LRRC4C: variants seen among roughly 807,000 people sequenced by gnomAD.
LRRC4C encodes leucine rich repeat containing 4C, also known as leucine-rich repeat-containing protein 4C.
LRRC4C carries 5 observed loss-of-function variants against 33.6 expected under a neutral mutation model. That is an observed-to-expected ratio of 0.15 (90% CI 0.08 to 0.31). The LOEUF (loss-of-function observed/expected upper bound fraction) is 0.31. Among genes scored for constraint, LRRC4C ranks in the 10% least tolerant of loss-of-function variants. LRRC4C has a pLI of 1.00. For synonymous variants in LRRC4C, 329 were observed against 302.0 expected (o/e 1.09, Z -0.93); for missense variants, 560 against 796.7 (o/e 0.70, Z 3.58).
intron 1 of LRRC4C, among the ~76,000 whole-genome samples, chr11:40,952,112 G>A (rs938594975): frequency 7.2e-5 from 11 of 151,888 alleles, no homozygotes; most frequent in African/African-American, 1.7e-4. Context: ...TACTGTCCAA[G>A]GCATCTTACA....
intron 2 of LRRC4C, among the ~76,000 whole-genome samples, chr11:40,895,873 G>A (rs187803779): frequency 1.1e-4 from 16 of 152,198 alleles, no homozygotes; most frequent in Admixed American, 9.2e-4. Context: ...CAATCTGGGG[G>A]CTGTCTCTGA....
chr11:41,231,184 A>G (rs1461304203), intron 1 of LRRC4C, among the ~76,000 whole-genome samples: 1 of 152,126 alleles, frequency 6.6e-6, no homozygotes, highest in Non-Finnish European at 1.5e-5. Flanking sequence ...AACTAGTTCA[A>G]CCACTGTGGA....
chr11:41,039,993 C>T (rs185289823), intron 1 of LRRC4C, among the ~76,000 whole-genome samples: 5 of 151,868 alleles, frequency 3.3e-5, no homozygotes, highest in Non-Finnish European at 5.9e-5. Flanking sequence ...AAAAAATTAG[C>T]CGGGCGTGGT....
chr11:41,173,303 T>C (rs1382330989), intron 1 of LRRC4C, among the ~76,000 whole-genome samples: 1 of 152,128 alleles, frequency 6.6e-6, no homozygotes. Context: ...ATGTAAAAGC[T>C]GTAGATTCAA....
intron 3 of LRRC4C, among the ~76,000 whole-genome samples, chr11:40,603,916 G>T (rs150610649): frequency 0.02 from 3,066 of 152,266 alleles, 48 homozygotes; most frequent in South Asian, 0.037. Flanking sequence ...TAAAATGTTA[G>T]AAGCCTAGGT....
intron 2 of LRRC4C, among the ~76,000 whole-genome samples, chr11:40,872,302 G>A (rs1954689503): frequency 7.3e-6 from 1 of 136,822 alleles, no homozygotes; most frequent in African/African-American, 2.5e-5. Context: ...CCTTAAAACT[G>A]GTTTGGCTGA....
intron 3 of LRRC4C, among the ~76,000 whole-genome samples, chr11:40,552,981 G>C (rs1957185758): frequency 6.6e-6 from 1 of 152,176 alleles, no homozygotes; most frequent in Middle Eastern, 3.4e-3. Flanking sequence ...ATATAAAAAG[G>C]TGGATCAGGC....
intron 1 of LRRC4C, among the ~76,000 whole-genome samples, chr11:41,397,273 C>T (rs1425376528): frequency 1.3e-5 from 2 of 151,886 alleles, no homozygotes; most frequent in African/African-American, 2.4e-5. Flanking sequence ...CTTCCACCTC[C>T]TACACCTCTT....
At chr11:41,082,591 T>C (rs1219254846) in intron 1 of LRRC4C, among the ~76,000 whole-genome samples, 2 of 152,210 alleles carry the variant, frequency 1.3e-5, no homozygotes, top group Admixed American at 6.5e-5. Context: ...CACTTCTATT[T>C]TGTGATGGCA....
intron 2 of LRRC4C, among the ~76,000 whole-genome samples, chr11:40,915,583 CA>C (rs1344374423): frequency 6.6e-6 from 1 of 152,150 alleles, no homozygotes; most frequent in African/African-American, 2.4e-5. Flanking sequence ...GACCTAAAAC[CA>C]TAAAAACCCT....
chr11:41,104,801 T>C (rs1941400132), intron 1 of LRRC4C, among the ~76,000 whole-genome samples: 1 of 151,992 alleles, frequency 6.6e-6, no homozygotes, highest in Non-Finnish European at 1.5e-5. Flanking sequence ...ATTTCTGTTA[T>C]GAAATCAATA....
chr11:40,142,094 C>T (rs951151170), intron 5 of LRRC4C, among the ~76,000 whole-genome samples: 1 of 151,708 alleles, frequency 6.6e-6, no homozygotes, highest in Non-Finnish European at 1.5e-5. Flanking sequence ...ACCAGCCTGG[C>T]AAACATGGCG....
chr11:41,195,195 A>G (rs78783279), intron 1 of LRRC4C, among the ~76,000 whole-genome samples: 2 of 152,230 alleles, frequency 1.3e-5, no homozygotes, highest in African/African-American at 2.4e-5. Flanking sequence ...GGTTAACAAA[A>G]CAAAACACAC....
intron 3 of LRRC4C, among the ~76,000 whole-genome samples, chr11:40,531,070 G>A (rs1236052204): frequency 6.6e-6 from 1 of 152,068 alleles, no homozygotes; most frequent in African/African-American, 2.4e-5. Flanking sequence ...ATGTCAGTGG[G>A]TGACTTTAAT....
chr11:41,214,438 T>C (rs902094211), intron 1 of LRRC4C, among the ~76,000 whole-genome samples: 2 of 151,416 alleles, frequency 1.3e-5, no homozygotes, highest in East Asian at 3.9e-4. Context: ...CTACCTACAC[T>C]TAAAAATATA....
chr11:40,635,547 G>A (rs550558790), intron 3 of LRRC4C, among the ~76,000 whole-genome samples: 1 of 151,692 alleles, frequency 6.6e-6, no homozygotes, highest in Non-Finnish European at 1.5e-5. Flanking sequence ...ACAACTCAAG[G>A]AGCTCATAAT....
At chr11:40,378,036 A>G (rs533692764) in intron 3 of LRRC4C, among the ~76,000 whole-genome samples, 2 of 152,226 alleles carry the variant, frequency 1.3e-5, no homozygotes, top group South Asian at 4.1e-4. Flanking sequence ...TTCTTATGAC[A>G]TATAATAAAC....
At chr11:41,117,936 T>C (rs1294600664) in intron 1 of LRRC4C, among the ~76,000 whole-genome samples, 1 of 152,186 alleles carries the variant, frequency 6.6e-6, no homozygotes, top group East Asian at 1.9e-4. Context: ...AAGATATTGA[T>C]AACAGCTAAA....
At chr11:40,771,730 T>C (rs1305993615) in intron 2 of LRRC4C, among the ~76,000 whole-genome samples, 3 of 152,196 alleles carry the variant, frequency 2.0e-5, no homozygotes, top group Admixed American at 6.5e-5. Context: ...ATCTCTTTGC[T>C]AAAGCATAGC....
Sources: gnomAD v4.1 joint callset for allele counts (sites outside exome capture counted in the v4.1 genomes callset) on GRCh38, gnomAD v4.1.1 for gene constraint, MANE v1.5 for transcripts, NCBI Gene and HGNC (gene_info 2026-07-23, HGNC 2026-07-21) for gene names.